TSHZ3: variants seen among roughly 807,000 people sequenced by gnomAD.
The protein encoded by TSHZ3 is teashirt zinc finger homeobox 3, also known as teashirt homolog 3.
Under a neutral mutation model 64.5 loss-of-function variants are expected in TSHZ3, and 10 were observed. That is an observed-to-expected ratio of 0.16 (90% CI 0.10 to 0.26). TSHZ3 has a LOEUF of 0.26. Ranked by LOEUF, TSHZ3 falls within the 10% of genes least tolerant of loss-of-function variation. The probability of loss-of-function intolerance (pLI) is 1.00; values close to 1 mark genes in which losing one functional copy is unlikely to be tolerated. For missense variants in TSHZ3, 1,242 were observed against 1,421.7 expected, an observed-to-expected ratio of 0.87 and a Z score of 2.03; for synonymous variants, 608 against 593.1, an observed-to-expected ratio of 1.03 and a Z score of -0.36.
At chr19:31,213,193 T>G (rs976175930) in intron 4 of TSHZ3, among the ~76,000 whole-genome samples, 1 of 150,598 alleles carries the variant, frequency 6.6e-6, no homozygotes, top group Non-Finnish European at 1.5e-5. Flanking sequence ...CCGTCTCTAC[T>G]AAAATACAAA....
intron 5 of TSHZ3, among the ~76,000 whole-genome samples, chr19:31,199,259 C>T (rs1194436909): frequency 6.6e-6 from 1 of 151,814 alleles, no homozygotes; most frequent in Non-Finnish European, 1.5e-5. Context: ...CAAAAATTAG[C>T]TGGGCATCGT....
At chr19:31,216,945 C>T (rs545076011) in intron 4 of TSHZ3, among the ~76,000 whole-genome samples, 5 of 152,112 alleles carry the variant, frequency 3.3e-5, no homozygotes, top group Admixed American at 1.3e-4. Flanking sequence ...CATGAGCCAC[C>T]GCGCCTGACC....
chr19:31,258,678 A>G (rs1470748864), intron 1 of TSHZ3, among the ~76,000 whole-genome samples: 8 of 152,198 alleles, frequency 5.3e-5, no homozygotes, highest in South Asian at 2.1e-4. Context: ...AGATGCTCAC[A>G]TATCTGTTGA....
intron 1 of TSHZ3, 186 bp downstream of exon 1, chr19:31,348,994 G>C (rs1375135956): frequency 1.2e-5 from 8 of 687,092 alleles, no homozygotes; most frequent in Non-Finnish European, 1.8e-5. Context: ...GGCAGAGCGC[G>C]GCGGGGCGTC....
chr19:31,193,828 G>A (rs1568343432), intron 5 of TSHZ3, among the ~76,000 whole-genome samples: 3 of 152,150 alleles, frequency 2.0e-5, no homozygotes, highest in Non-Finnish European at 2.9e-5. Flanking sequence ...TGGAAAATTG[G>A]CAATGCAATT....
intron 1 of TSHZ3, among the ~76,000 whole-genome samples, chr19:31,264,783 T>A (rs982982443): frequency 4.6e-5 from 7 of 151,912 alleles, no homozygotes; most frequent in Non-Finnish European, 1.0e-4. Context: ...ATGGGTCACA[T>A]TTTGCAACCT....
At chr19:31,205,303 G>A (rs1272539821) in intron 4 of TSHZ3, among the ~76,000 whole-genome samples, 1 of 152,160 alleles carries the variant, frequency 6.6e-6, no homozygotes, top group Non-Finnish European at 1.5e-5. Flanking sequence ...GAAAACCAAG[G>A]TGGAACATTT....
chr19:31,226,012 A>T (rs1177434138), intron 4 of TSHZ3, among the ~76,000 whole-genome samples: 1 of 152,038 alleles, frequency 6.6e-6, no homozygotes, highest in East Asian at 1.9e-4. Flanking sequence ...CTGTAATCCC[A>T]GCTACTTGGG....
rs372093869 is a variant in TSHZ3 at position 31,250,516 on chromosome 19, T to A, written n.64-7641A>T. Among the ~76,000 whole-genome samples, 337 of 152,342 alleles carry A rather than the reference T, an allele frequency of 2.2e-3. 16 individuals are homozygous for A. The South Asian group carries it at 0.069, about 31-fold the overall frequency. ...GGCATACCAGTACCTGAAGAATGAT[T>A]ACACCCAGTGCACAGTTAAATAATG... On this transcript the variant is annotated intron_variant and non_coding_transcript_variant, in intron 1 of 6. Transcript: ENST00000651361.
chr19:31,232,771 T>C (rs967832252), intron 3 of TSHZ3, among the ~76,000 whole-genome samples: 13 of 152,146 alleles, frequency 8.5e-5, no homozygotes, highest in African/African-American at 3.1e-4. Context: ...CAGATATGTA[T>C]TTTTTTCTGT....
At chr19:31,200,765 T>C (rs1975071479) in intron 5 of TSHZ3, among the ~76,000 whole-genome samples, 1 of 152,148 alleles carries the variant, frequency 6.6e-6, no homozygotes, top group African/African-American at 2.4e-5. Context: ...TTATCAATTG[T>C]AACAAATGCA....
chr19:31,305,196 A>G (rs1271656281), intron 1 of TSHZ3, among the ~76,000 whole-genome samples: 1 of 150,822 alleles, frequency 6.6e-6, no homozygotes, highest in African/African-American at 2.4e-5. Flanking sequence ...CCCCCTCCAC[A>G]CACACACCAC....
At chr19:31,335,072 CTCT>C (rs1268924868) in intron 1 of TSHZ3, among the ~76,000 whole-genome samples, 1 of 152,174 alleles carries the variant, frequency 6.6e-6, no homozygotes, top group Non-Finnish European at 1.5e-5. Flanking sequence ...AAGACTTTCC[CTCT>C]TCTTCACCCA....
intron 4 of TSHZ3, among the ~76,000 whole-genome samples, chr19:31,211,920 G>A (rs1332659886): frequency 6.6e-6 from 1 of 152,178 alleles, no homozygotes; most frequent in Non-Finnish European, 1.5e-5. Flanking sequence ...ACTGAGGCGT[G>A]TTGAGGTTAT....
intron 1 of TSHZ3, among the ~76,000 whole-genome samples, chr19:31,306,228 A>C (rs1030181870): frequency 1.3e-5 from 2 of 152,160 alleles, no homozygotes; most frequent in African/African-American, 4.8e-5. Context: ...TCTCCCAGAC[A>C]GGTGACGCGG....
chr19:31,321,175 G>T (rs1294139267), intron 1 of TSHZ3, among the ~76,000 whole-genome samples: 1 of 152,144 alleles, frequency 6.6e-6, no homozygotes, highest in Non-Finnish European at 1.5e-5. Flanking sequence ...TTCCACCAAG[G>T]CCTGGCCAGC....
At chr19:31,295,053 T>A (rs182967801) in intron 1 of TSHZ3, among the ~76,000 whole-genome samples, 5 of 152,276 alleles carry the variant, frequency 3.3e-5, no homozygotes, top group Non-Finnish European at 2.9e-5. Context: ...CCCTCTATGA[T>A]TAAGGGTGTT....
In TSHZ3 at chr19:31,255,642, A is replaced by AC. The variant is rs536041131; in HGVS notation, n.64-12768dup. The stretch of plus-strand genomic sequence containing the variant: ...GCTGTGTGTGGTTTTGGCCGGTGTC[A>AC]CAGTCACTCAAGCACCCCGGGGTTT... On this transcript the variant is annotated intron_variant and non_coding_transcript_variant, in intron 1 of 6. Transcript: ENST00000651361. Among the ~76,000 whole-genome samples the AC allele has an allele frequency of 1.2e-4, 18 of 152,192 alleles. No individual in the cohort carries two copies. The East Asian group carries it at 3.1e-3, about 26-fold the overall frequency.
At chr19:31,296,202 G>C (rs914138104) in intron 1 of TSHZ3, among the ~76,000 whole-genome samples, 1 of 151,812 alleles carries the variant, frequency 6.6e-6, no homozygotes, top group African/African-American at 2.4e-5. Context: ...CTGTCCTGCA[G>C]ATGGAGGAGG....
Sources: gnomAD v4.1 joint callset for allele counts (sites outside exome capture counted in the v4.1 genomes callset) on GRCh38, gnomAD v4.1.1 for gene constraint, MANE v1.5 for transcripts, NCBI Gene and HGNC (gene_info 2026-07-23, HGNC 2026-07-21) for gene names.